The following MSR1 variants were observed in gnomAD, a reference collection of about 807,000 sequenced individuals.
MSR1 encodes the protein macrophage scavenger receptor types I and II.
MSR1 carries 53 observed loss-of-function variants against 47.2 expected under a neutral mutation model. That is an observed-to-expected ratio of 1.12 (90% CI 0.90 to 1.41). MSR1 has a LOEUF of 1.41. Ranked by LOEUF, MSR1 falls within the 40% of genes most tolerant of loss-of-function variation. The probability of loss-of-function intolerance (pLI) is 0.00; values close to 1 mark genes in which losing one functional copy is unlikely to be tolerated. For missense variants in MSR1, 786 were observed against 546.9 expected (o/e 1.44, Z -4.36); for synonymous variants, 239 against 185.6 (o/e 1.29, Z -2.34).
In MSR1 at chr8:16,155,138, G is replaced by T; in HGVS notation, c.824C>A (p.Pro275His). 1.2e-6 allele frequency: 2 copies of T among 1,611,180 alleles called. No homozygotes were observed. The highest frequency in any genetic ancestry group is 8.5e-7 in the Non-Finnish European group (1 of 1,178,076). The change falls in exon 6 of 10, where the codon CCT becomes CAT. Residue 275 changes from proline to histidine, a missense_variant. Transcript: ENST00000262101. ...LRNITLIQGP[P>H]GPPGEKGDRG... ...ATCTCCTTTTTCACCCGGGGGTCCA[G>T]GAGGACCTTTAAAAAAATTACAGTT...
chr8:16,188,496 A>G (rs1210979186), intron 1 of MSR1, among the ~76,000 whole-genome samples: 1 of 151,610 alleles, frequency 6.6e-6, no homozygotes, highest in Non-Finnish European at 1.5e-5. Context: ...TTCAAACTTG[A>G]AATTTTTTTT....
intron 3 of MSR1, among the ~76,000 whole-genome samples, chr8:16,169,768 G>C (rs892364309): frequency 1.3e-4 from 19 of 151,598 alleles, no homozygotes; most frequent in Non-Finnish European, 1.9e-4. Flanking sequence ...AAACTCCATT[G>C]TAGTATATGT....
At chr8:16,133,065 C>T (rs1800301115) in intron 8 of MSR1, among the ~76,000 whole-genome samples, 1 of 152,060 alleles carries the variant, frequency 6.6e-6, no homozygotes, top group South Asian at 2.1e-4. Flanking sequence ...AGGTGAATCA[C>T]ATTTATTGAT....
chr8:16,160,502 C>T (rs574432956), intron 5 of MSR1, among the ~76,000 whole-genome samples: 83 of 152,084 alleles, frequency 5.5e-4, no homozygotes, highest in Non-Finnish European at 1.1e-3. Flanking sequence ...AAGACTTAAC[C>T]TCACAGAGCT....
At chr8:16,151,574 T>C (rs548916641) in intron 6 of MSR1, among the ~76,000 whole-genome samples, 1 of 152,266 alleles carries the variant, frequency 6.6e-6, no homozygotes, top group East Asian at 1.9e-4. Flanking sequence ...ACTAATTTTC[T>C]ACAATAATCT....
At chr8:16,128,272 G>A (rs149189964) in intron 8 of MSR1, among the ~76,000 whole-genome samples, 9 of 152,178 alleles carry the variant, frequency 5.9e-5, no homozygotes, top group East Asian at 1.9e-4. Flanking sequence ...TCCAATATTC[G>A]TATGCTGAAG....
chr8:16,160,517 T>C (rs768149836), intron 5 of MSR1, among the ~76,000 whole-genome samples: 2 of 152,024 alleles, frequency 1.3e-5, no homozygotes, highest in Non-Finnish European at 2.9e-5. Context: ...AGAGCTCACA[T>C]TCTGCTGGAG....
chr8:16,109,976 G>C lies in MSR1; in HGVS notation c.*109C>G. ...ATCCTGTAATCTAAAATATTATTTG[G>C]GCAATATTCTTAATCTCTTAAATAT... is the stretch of plus-strand genomic sequence containing the variant. On this transcript the variant is annotated 3_prime_UTR_variant, in exon 10 of 10. Transcript: ENST00000262101. 7.8e-7 allele frequency: 1 copy of C among 1,279,228 alleles called. No individual in the cohort carries two copies. Among genetic ancestry groups the C allele is most frequent in the Non-Finnish European group, 1.1e-6 (1 of 895,740 alleles). The allele number at this position is 1,279,228 out of a possible 1,614,324, so 79.2% of individuals were successfully genotyped here. A position where few individuals can be genotyped will look rare whatever the true frequency, so the allele number is the denominator to read the frequency against.
intron 1 of MSR1, among the ~76,000 whole-genome samples, chr8:16,182,399 A>G (rs1417730374): frequency 6.6e-6 from 1 of 152,186 alleles, no homozygotes; most frequent in Admixed American, 6.6e-5. Context: ...TATTTGTTCA[A>G]TAATAAATTA....
chr8:16,114,270 G>T (rs1362552878), intron 9 of MSR1, among the ~76,000 whole-genome samples: 1 of 151,752 alleles, frequency 6.6e-6, no homozygotes, highest in Non-Finnish European at 1.5e-5. Flanking sequence ...ATTGATTATG[G>T]TATGTAAAAG....
intron 1 of MSR1, among the ~76,000 whole-genome samples, chr8:16,184,192 A>T (rs440880): frequency 0.22 from 33,082 of 151,822 alleles, 4,717 homozygotes; most frequent in East Asian, 0.53. Flanking sequence ...CAAAGATTTA[A>T]AAAGCCAAGT....
intron 8 of MSR1, among the ~76,000 whole-genome samples, chr8:16,125,229 A>T (rs986302105): frequency 2.6e-4 from 40 of 152,280 alleles, no homozygotes; most frequent in Admixed American, 2.6e-4. Context: ...ACAATGAGAA[A>T]TGTAATTGCC....
chr8:16,143,742 T>C lies in MSR1; in HGVS notation c.980-131A>G, dbSNP rs112481839. On this transcript the variant is annotated intron_variant, in intron 7 of 9. Coordinates refer to ENST00000262101, the MANE Select transcript of MSR1 (RefSeq NM_138715.3). The stretch of plus-strand genomic sequence containing the variant: ...CAGATATTGAAATGTATAATAACAT[T>C]GTATAATGTTAACAATAATAATAGT... 7 of 680,272 alleles carry C rather than the reference T, an allele frequency of 1.0e-5. No homozygotes were observed. The East Asian group carries it at 1.1e-4, about 11-fold the overall frequency. The allele number at this position is 680,272 out of a possible 1,614,324, so 42.1% of individuals were successfully genotyped here. A position where few individuals can be genotyped will look rare whatever the true frequency, so the allele number is the denominator to read the frequency against.
chr8:16,179,230 G>C (rs1409229530), intron 1 of MSR1, among the ~76,000 whole-genome samples: 1 of 152,086 alleles, frequency 6.6e-6, no homozygotes, highest in East Asian at 1.9e-4. Context: ...GAAATGTCTG[G>C]ATCTGAATGA....
chr8:16,144,108 G>A (rs1171295435), intron 7 of MSR1, among the ~76,000 whole-genome samples: 1 of 152,058 alleles, frequency 6.6e-6, no homozygotes, highest in Non-Finnish European at 1.5e-5. Context: ...GATCCTTGGA[G>A]CGTTCACATC....
rs1799715686 is a variant in MSR1 at position 16,109,819 on chromosome 8, G to A, written c.*266C>T. On this transcript the variant is annotated 3_prime_UTR_variant, in exon 10 of 10. Transcript: ENST00000262101. ...TACCCTTGGCCTTTGTAATCTGGAAGCTATAAACTTCAAAATGTTCAATTC... is the reference window on the plus strand; with the variant it reads ...TACCCTTGGCCTTTGTAATCTGGAAACTATAAACTTCAAAATGTTCAATTC... 1 of 448,688 alleles carries A rather than the reference G, an allele frequency of 2.2e-6. No homozygotes were observed. The highest frequency in any genetic ancestry group is 3.6e-5 in the Admixed American group (1 of 27,728). The allele number at this position is 448,688 out of a possible 1,614,324, so 27.8% of individuals were successfully genotyped here. A position where few individuals can be genotyped will look rare whatever the true frequency, so the allele number is the denominator to read the frequency against.
chr8:16,120,795 A>AT, intron 8 of MSR1, 189 bp from the exon 9 acceptor site: 5 of 738,870 alleles, frequency 6.8e-6, no homozygotes, highest in Non-Finnish European at 1.1e-5. Flanking sequence ...AACTGCAAAT[A>AT]TTGCAGCTTT....
rs371578191 is a variant in MSR1, at chr8:16,164,303, A to C, written c.631-52T>G. 2.7e-6 allele frequency: 4 copies of C among 1,509,284 alleles called. No individual in the cohort carries two copies. In the East Asian group the frequency reaches 9.1e-5, roughly 34 times the overall value. 93.5% of individuals were successfully genotyped at this position (1,509,284 alleles called of 1,614,324 possible). On this transcript the variant is annotated intron_variant, in intron 4 of 9. Coordinates refer to ENST00000262101, the MANE Select transcript of MSR1 (RefSeq NM_138715.3). ...GCCTTTGTTACATACATAATTATCA[A>C]ATATGAAAGTTCAAGAAACCCTCGG...
chr8:16,114,573 G>T (rs1799833490), intron 9 of MSR1, among the ~76,000 whole-genome samples: 1 of 152,060 alleles, frequency 6.6e-6, no homozygotes, highest in South Asian at 2.1e-4. Context: ...GGCAAAAAGT[G>T]ACTCACTCTC....
Sources: gnomAD v4.1 joint callset for allele counts (sites outside exome capture counted in the v4.1 genomes callset) on GRCh38, gnomAD v4.1.1 for gene constraint, MANE v1.5 for transcripts, NCBI Gene and HGNC (gene_info 2026-07-23, HGNC 2026-07-21) for gene names.